The following MMP25 variants were observed in gnomAD, a reference collection of about 807,000 sequenced individuals.
MMP25 encodes matrix metallopeptidase 25.
In MMP25, 68 loss-of-function variants were observed where a neutral mutation model predicts 62.1. The observed-to-expected ratio is 1.10, with a 90% confidence interval of 0.90 to 1.34. MMP25 has a LOEUF of 1.34. Among genes scored for constraint, MMP25 ranks in the 40% most tolerant of loss-of-function variants. The pLI is 0.00. For missense variants in MMP25, 942 were observed against 792.5 expected (o/e 1.19, Z -2.26); for synonymous variants, 407 against 345.6 (o/e 1.18, Z -1.97).
In MMP25 at chr16:3,058,673, G is replaced by C. The variant is rs745689562; in HGVS notation, c.1417+4G>C. ...GATGTCACCGTCAGCAACGCAGGTG[G>C]GGAGCGCGGTGACCTGCGGGTTACT... On this transcript the variant is annotated splice_donor_region_variant and intron_variant, in intron 9 of 9. Coordinates refer to ENST00000336577, the MANE Select transcript of MMP25 (RefSeq NM_022468.5). 20 of 1,593,746 alleles carry C rather than the reference G, an allele frequency of 1.3e-5. No individual in the cohort carries two copies. The highest frequency in any genetic ancestry group is 1.7e-5 in the Non-Finnish European group (20 of 1,169,228).
In MMP25 at chr16:3,050,562, T is replaced by C. The variant is rs1391997889; in HGVS notation, c.661+16T>C. The C allele has an allele frequency of 6.6e-7, 1 of 1,511,328 alleles. No individual in the cohort carries two copies. The highest frequency in any genetic ancestry group is 1.4e-5 in the African/African-American group (1 of 71,812). 93.6% of individuals were successfully genotyped at this position (1,511,328 alleles called of 1,614,324 possible). On this transcript the variant is annotated intron_variant, in intron 4 of 9. Transcript: ENST00000336577. ...GGGTCAAAAGGTAAAATCTCCTCTC[T>C]TATGAGAGATCCTCTTGCCAGGTCT...
Position 3,050,559 on chromosome 16 carries a change from C to G in MMP25, c.661+13C>G. 6.6e-7 allele frequency: 1 copy of G among 1,515,446 alleles called. No homozygotes were observed. Among genetic ancestry groups the G allele is most frequent in the Non-Finnish European group, 8.8e-7 (1 of 1,134,004 alleles). The allele number at this position is 1,515,446 out of a possible 1,614,324, so 93.9% of individuals were successfully genotyped here. On this transcript the variant is annotated intron_variant, in intron 4 of 9. Coordinates refer to ENST00000336577, the MANE Select transcript of MMP25 (RefSeq NM_022468.5). ...TTTGGGTCAAAAGGTAAAATCTCCT[C>G]TCTTATGAGAGATCCTCTTGCCAGG...
chr16:3,056,818 A>G, intron 4 of MMP25: 1 of 522,104 alleles, frequency 1.9e-6, no homozygotes, highest in Non-Finnish European at 3.3e-6. Context: ...GGATCTTTTC[A>G]GCCCTGTGGT....
At position 3,058,508 on chromosome 16, in the gene MMP25, T is replaced by G. The variant is rs757650170; in HGVS notation, c.1256T>G (p.Val419Gly). The change falls in exon 9 of 10, where the codon GTG becomes GGG. Residue 419 changes from valine (V) to glycine (G), a missense_variant. By Grantham distance (109) the Val-to-Gly change is moderately radical. Transcript: ENST00000336577. ...CCCCCGGGAGAGGAGGTGGACGCCGTGTTCTCGTGGCCACAGAACGGGAAG... is the reference window on the plus strand; with the variant it reads ...CCCCCGGGAGAGGAGGTGGACGCCGGGTTCTCGTGGCCACAGAACGGGAAG... ...GLPPGEEVDA[V>G]FSWPQNGKTY... 8 of 1,610,314 alleles carry G rather than the reference T, an allele frequency of 5.0e-6. No homozygotes were observed. Among genetic ancestry groups the G allele is most frequent in the Non-Finnish European group, 6.8e-6 (8 of 1,179,106 alleles).
chr16:3,053,950 G>C (rs1955951211), intron 4 of MMP25: 1 of 151,714 alleles, frequency 6.6e-6, no homozygotes, highest in Non-Finnish European at 1.5e-5. Context: ...GAGACCACTG[G>C]CTGGAGAACT....
chr16:3,058,295 A>G lies in MMP25; in HGVS notation c.1121A>G (p.Tyr374Cys), dbSNP rs760395064. ...CAGGTGAGGGTGGTGCAGGCCGCCT[A>G]TGCTCGGCACCGAGACGGCCGAATC... is the stretch of plus-strand genomic sequence containing the variant. ...PAQVRVVQAA[Y>C]ARHRDGRILL... The change falls in exon 8 of 10, where the codon TAT becomes TGT. Residue 374 changes from tyrosine (Y) to cysteine (C), a missense_variant. Transcript: ENST00000336577. 3.0e-5 allele frequency: 48 copies of G among 1,606,752 alleles called. No individual in the cohort carries two copies. Among genetic ancestry groups the G allele is most frequent in the East Asian group, 4.5e-5 (2 of 44,554 alleles).
chr16:3,050,465 C>T lies in MMP25; in HGVS notation c.580C>T (p.His194Tyr), dbSNP rs1004972120. ...PFDGLGGTLA[H>Y]AFFPGEHPIS... ...CGACGGGTTGGGGGGCACCCTAGCC[C>T]ATGCCTTCTTCCCTGGGGAGCACCC... The change falls in exon 4 of 10, where the codon CAT (histidine) becomes TAT (tyrosine). Residue 194 changes from histidine (H) to tyrosine (Y), a missense_variant. His to Tyr is a moderately conservative substitution (Grantham distance 83, BLOSUM62 2). Transcript: ENST00000336577. The T allele has an allele frequency of 1.2e-5, 20 of 1,612,430 alleles. No homozygotes were observed. Among genetic ancestry groups the T allele is most frequent in the Non-Finnish European group, 1.6e-5 (19 of 1,179,086 alleles).
rs1956059887 is a variant in MMP25 at position 3,058,632 on chromosome 16, G to T, written c.1380G>T (p.Ala460=). ...YPRDLSLWEG[A]PPSPDDVTVS... ...GCGACCTGAGCCTCTGGGAAGGCGCGCCCCCCTCCCCTGACGATGTCACCG... is the reference window on the plus strand; with the variant it reads ...GCGACCTGAGCCTCTGGGAAGGCGCTCCCCCCTCCCCTGACGATGTCACCG... Residue 460 remains alanine, a synonymous_variant, in exon 9 of 10, where the codon GCG becomes GCT. Coordinates refer to ENST00000336577, the MANE Select transcript of MMP25 (RefSeq NM_022468.5). The T allele has an allele frequency of 6.2e-7, 1 of 1,605,470 alleles. No homozygotes were observed. The highest frequency in any genetic ancestry group is 2.2e-5 in the East Asian group (1 of 44,562).
intron 2 of MMP25, among the ~76,000 whole-genome samples, chr16:3,049,410 A>G (rs185411237): frequency 6.6e-6 from 1 of 152,138 alleles, no homozygotes; most frequent in Non-Finnish European, 1.5e-5. Flanking sequence ...TCTGGCATCT[A>G]TATGTCCTTC....
rs182405595 is a variant in MMP25, at chr16:3,050,693, A to T, written c.661+147A>T. ...CAGTGGTGCAATCATAGCTAACTGC[A>T]ACCACGAACTTCTGGCTCAAGCAAT... On this transcript the variant is annotated intron_variant, in intron 4 of 9. Coordinates refer to ENST00000336577, the MANE Select transcript of MMP25 (RefSeq NM_022468.5). 1.4e-3 allele frequency: 1,096 copies of T among 777,562 alleles called. 1 individual carries two copies. The highest frequency in any genetic ancestry group is 4.5e-3 in the Admixed American group (123 of 27,114). 48.2% of individuals were successfully genotyped at this position (777,562 alleles called of 1,614,324 possible). A position where few individuals can be genotyped will look rare whatever the true frequency, so the allele number is the denominator to read the frequency against.
intron 4 of MMP25, chr16:3,055,870 C>T (rs1463962963): frequency 6.6e-6 from 3 of 455,484 alleles, no homozygotes; most frequent in South Asian, 1.5e-5. Flanking sequence ...GGCGGCTCAC[C>T]GGTTGATGAG....
chr16:3,055,071 G>C (rs1257888130), intron 4 of MMP25: 1 of 153,450 alleles, frequency 6.5e-6, no homozygotes, highest in Non-Finnish European at 1.5e-5. Flanking sequence ...TTGAGAGTTA[G>C]TGGCTGGGGC....
chr16:3,058,343 G>C lies in MMP25; in HGVS notation c.1159+10G>C. 2.0e-6 allele frequency: 3 copies of C among 1,534,832 alleles called. No individual in the cohort carries two copies. Among genetic ancestry groups the C allele is most frequent in the Non-Finnish European group, 2.6e-6 (3 of 1,143,248 alleles). On this transcript the variant is annotated intron_variant, in intron 8 of 9. Coordinates refer to ENST00000336577, the MANE Select transcript of MMP25 (RefSeq NM_022468.5). ...ATCCTCCTCTTTAGCGGTGAGTGGG[G>C]CCGGCGGCGGGGCGCGCTGGGGCCG... is the stretch of plus-strand genomic sequence containing the variant.
chr16:3,058,162 A>AC lies in MMP25; in HGVS notation c.1007-15dup. 6.2e-7 allele frequency: 1 copy of AC among 1,605,450 alleles called. No individual in the cohort carries two copies. The highest frequency in any genetic ancestry group is 8.5e-7 in the Non-Finnish European group (1 of 1,177,012). ...CCTGCTGTCTCATGCCTTCCTGCGA[A>AC]CCCCTTTGTCCCCTGCAGGCCCCTG... On this transcript the variant is annotated intron_variant, in intron 7 of 9. Transcript: ENST00000336577.
intron 2 of MMP25, among the ~76,000 whole-genome samples, chr16:3,049,201 G>A (rs1204025492): frequency 6.6e-6 from 1 of 151,804 alleles, no homozygotes; most frequent in Non-Finnish European, 1.5e-5. Flanking sequence ...GAGTCCACAC[G>A]AGGGATGGTG....
At chr16:3,047,363 G>T in intron 1 of MMP25, 52 bp from the exon 2 acceptor site, 2 of 1,574,322 alleles carry the variant, frequency 1.3e-6, no homozygotes, top group South Asian at 2.3e-5. Context: ...TGGGCAGAGA[G>T]AGCCCATACT....
At chr16:3,056,861 A>T in intron 4 of MMP25, 172 bp from the exon 5 acceptor site, 1 of 601,074 alleles carries the variant, frequency 1.7e-6, no homozygotes, top group Non-Finnish European at 2.8e-6. Context: ...TGACTGAGTG[A>T]CTGGAGACAG....
At position 3,057,151 on chromosome 16, in the gene MMP25, CGACCCT is replaced by C; in HGVS notation, c.784_789del (p.Pro262_Asp263del). ...GGCCCTTCTACCAGGGTCCGGTGGGCGACCCTGACAAGTACCGCCTGTCTCAGGATG... is the reference window on the plus strand; with the variant it reads ...GGCCCTTCTACCAGGGTCCGGTGGGCGACAAGTACCGCCTGTCTCAGGATG... On this transcript the variant is annotated inframe_deletion, in exon 5 of 10. Coordinates refer to ENST00000336577, the MANE Select transcript of MMP25 (RefSeq NM_022468.5). The C allele has an allele frequency of 6.2e-7, 1 of 1,613,210 alleles. No individual in the cohort carries two copies. The highest frequency in any genetic ancestry group is 2.2e-5 in the East Asian group (1 of 44,872).
At position 3,058,244 on chromosome 16, in the gene MMP25, A is replaced by ACCGCATCTGGGAGGGGCTGCC; in HGVS notation, c.1074_1075insATCTGGGAGGGGCTGCCCCGC (p.Arg358_Phe359insIleTrpGluGlyLeuProArg). ...GTGTCCCCGCGACCCGCACGGCTGC[A>ACCGCATCTGGGAGGGGCTGCC]CCGCTTCTGGGAGGGGCTGCCCGCC... is the stretch of plus-strand genomic sequence containing the variant. On this transcript the variant is annotated inframe_insertion, in exon 8 of 10. Coordinates refer to ENST00000336577, the MANE Select transcript of MMP25 (RefSeq NM_022468.5). The ACCGCATCTGGGAGGGGCTGCC allele has an allele frequency of 6.2e-7, 1 of 1,612,248 alleles. No individual in the cohort carries two copies. Among genetic ancestry groups the ACCGCATCTGGGAGGGGCTGCC allele is most frequent in the Non-Finnish European group, 8.5e-7 (1 of 1,179,410 alleles).
Sources: allele counts gnomAD v4.1 joint callset (sites outside exome capture counted in the v4.1 genomes callset), GRCh38; gene constraint gnomAD v4.1.1; transcripts MANE v1.5; gene names NCBI Gene and HGNC (gene_info 2026-07-23, HGNC 2026-07-21).